The following DYSF variants were observed in gnomAD, a reference collection of about 807,000 sequenced individuals.
The protein encoded by DYSF is dysferlin.
DYSF carries 212 observed loss-of-function variants against 274.9 expected under a neutral mutation model. The observed-to-expected ratio is 0.77, with a 90% CI of 0.69 to 0.86. The LOEUF is 0.86. Ranked by LOEUF, DYSF falls within the 40% of genes least tolerant of loss-of-function variation. The pLI, the probability that DYSF is intolerant of heterozygous loss-of-function variation, is 0.00. For missense variants in DYSF, 2,666 were observed against 2,783.2 expected, an observed-to-expected ratio of 0.96 and a Z score of 0.95; for synonymous variants, 1,091 against 1,078.7, an observed-to-expected ratio of 1.01 and a Z score of -0.22.
intron 22 of DYSF, among the ~76,000 whole-genome samples, chr2:71,560,925 T>C (rs901144396): frequency 6.6e-6 from 1 of 152,022 alleles, no homozygotes; most frequent in Non-Finnish European, 1.5e-5. Context: ...GAGTCCCGCT[T>C]GGTTAGGGAG....
chr2:71,679,933 C>T lies in DYSF; in HGVS notation c.6063+698C>T, dbSNP rs556614227. On this transcript the variant is annotated intron_variant, in intron 53 of 55. Transcript: ENST00000410020. ...TCTCCAGTAATTAAATAAAGGGATA[C>T]AGTAGTCCCCCCCTTATCTGGAGGA... Among the ~76,000 whole-genome samples, 28 of 152,262 alleles carry T rather than the reference C, an allele frequency of 1.8e-4. No homozygotes were observed. The South Asian group carries it at 5.8e-3, about 32-fold the overall frequency.
intron 41 of DYSF, among the ~76,000 whole-genome samples, chr2:71,626,260 A>G (rs986286846): frequency 6.6e-6 from 1 of 151,636 alleles, no homozygotes; most frequent in Non-Finnish European, 1.5e-5. Context: ...CTGATCATCA[A>G]ATTTATCAGG....
intron 3 of DYSF, among the ~76,000 whole-genome samples, chr2:71,494,163 T>C (rs1259732770): frequency 1.3e-5 from 2 of 152,152 alleles, no homozygotes; most frequent in Non-Finnish European, 2.9e-5. Context: ...CTCTTTTTGT[T>C]AGGGTTTTCT....
chr2:71,478,682 C>T lies in DYSF; in HGVS notation c.92-2201C>T, dbSNP rs75081261. 2.6e-5 allele frequency among the ~76,000 whole-genome samples: 4 copies of T among 152,240 alleles called. No individual in the cohort carries two copies. In the East Asian group the frequency reaches 5.8e-4, roughly 22 times the overall value. On this transcript the variant is annotated intron_variant, in intron 1 of 55. Coordinates refer to ENST00000410020, the MANE Select transcript of DYSF (RefSeq NM_001130987.2). ...GGAGAGGGAGTTTGGGAGCTCCCCC[C>T]TCTCCCTGGAGGGAGGTTTATCGGA... is the stretch of plus-strand genomic sequence containing the variant.
chr2:71,543,048 GC>G (rs1186320248), intron 17 of DYSF, among the ~76,000 whole-genome samples: 1 of 150,462 alleles, frequency 6.6e-6, no homozygotes, highest in South Asian at 2.1e-4. Flanking sequence ...GGCGGGGGCT[GC>G]CCCCCACCTC....
At chr2:71,510,840 A>C (rs1429517930) in intron 4 of DYSF, among the ~76,000 whole-genome samples, 3 of 152,286 alleles carry the variant, frequency 2.0e-5, no homozygotes, top group Non-Finnish European at 2.9e-5. Context: ...ATCATTTTGC[A>C]TACAGCAGAT....
intron 41 of DYSF, among the ~76,000 whole-genome samples, chr2:71,639,344 A>C (rs907691097): frequency 1.3e-5 from 2 of 151,814 alleles, no homozygotes; most frequent in African/African-American, 4.8e-5. Flanking sequence ...AAAATTTTTA[A>C]TTTTTAAAGC....
rs115013641 is a variant in DYSF at position 71,669,705 on chromosome 2, G to A, written c.5743G>A (p.Asp1915Asn). ...CAACTGGAGGTTCATTTTCCCCTTC[G>A]ACTACCTGCCAGCTGAGCAAGTCTG... is the stretch of plus-strand genomic sequence containing the variant. ...NFNWRFIFPF[D>N]YLPAEQVCTI... The change falls in exon 51 of 56, where the codon GAC becomes AAC. Residue 1915 changes from aspartate to asparagine, a missense_variant. Physicochemically the swap from Asp to Asn is conservative, Grantham distance 23. This residue lies in a region of DYSF where 1,460 missense variants were observed against 1,502.1 expected (regional missense o/e 0.97). Transcript: ENST00000410020. The A allele has an allele frequency of 3.5e-3, 5,604 of 1,614,120 alleles. 33 individuals are homozygous for A. Among genetic ancestry groups the A allele is most frequent in the South Asian group, 8.4e-3 (767 of 91,080 alleles).
At chr2:71,652,854 A>G (rs2094689900) in intron 42 of DYSF, among the ~76,000 whole-genome samples, 1 of 152,268 alleles carries the variant, frequency 6.6e-6, no homozygotes, top group African/African-American at 2.4e-5. Context: ...CATTTGGCAT[A>G]TGACACAAGT....
At chr2:71,506,738 C>G (rs2085516514) in intron 4 of DYSF, among the ~76,000 whole-genome samples, 1 of 152,144 alleles carries the variant, frequency 6.6e-6, no homozygotes, top group Non-Finnish European at 1.5e-5. Context: ...CCCACTTTCC[C>G]TTAAGAGCCT....
chr2:71,556,343 C>A (rs559315083), intron 22 of DYSF, among the ~76,000 whole-genome samples: 3 of 152,216 alleles, frequency 2.0e-5, no homozygotes, highest in African/African-American at 7.2e-5. Context: ...CTCTGATCCC[C>A]GACCTCTTAT....
chr2:71,521,837 C>T (rs1244818758), intron 12 of DYSF, among the ~76,000 whole-genome samples: 1 of 152,134 alleles, frequency 6.6e-6, no homozygotes. Flanking sequence ...TTCTCCTCAT[C>T]TCCTTACTCC....
intron 1 of DYSF, among the ~76,000 whole-genome samples, chr2:71,456,041 C>T (rs1300641995): frequency 1.3e-5 from 2 of 152,126 alleles, no homozygotes; most frequent in Non-Finnish European, 2.9e-5. Context: ...ATTTCAGCCC[C>T]AAGGGCCTGT....
chr2:71,516,514 G>C (rs531285980), intron 9 of DYSF, among the ~76,000 whole-genome samples: 2 of 152,244 alleles, frequency 1.3e-5, no homozygotes, highest in African/African-American at 4.8e-5. Context: ...AGCAGCTGCG[G>C]GAGAGCCCAC....
intron 36 of DYSF, among the ~76,000 whole-genome samples, chr2:71,603,678 G>A (rs960101854): frequency 2.6e-5 from 4 of 152,220 alleles, no homozygotes; most frequent in African/African-American, 4.8e-5. Flanking sequence ...CTGTAATTGC[G>A]CCTGACAGGC....
intron 22 of DYSF, among the ~76,000 whole-genome samples, chr2:71,561,219 A>G (rs1573996845): frequency 6.6e-6 from 1 of 152,044 alleles, no homozygotes; most frequent in African/African-American, 2.4e-5. Context: ...TCCCCACCCC[A>G]CCTCAGGTGG....
intron 13 of DYSF, 65 bp downstream of exon 13, chr2:71,526,411 T>TGGGGGATGGC: frequency 3.3e-6 from 1 of 306,930 alleles, no homozygotes; most frequent in Admixed American, 5.7e-5. Context: ...CTGGTGGGGG[T>TGGGGGATGGC]GGGCGATGGC....
intron 42 of DYSF, 35 bp from the exon 43 acceptor site, chr2:71,656,127 C>T (rs771981541): frequency 1.2e-6 from 2 of 1,613,608 alleles, no homozygotes; most frequent in Non-Finnish European, 8.5e-7. Context: ...TTCTTTCTGT[C>T]TCTTGTCCCC....
In DYSF at chr2:71,513,878, C is replaced by T. The variant is rs1263688960; in HGVS notation, c.716C>T (p.Pro239Leu). 6 of 1,614,118 alleles carry T rather than the reference C, an allele frequency of 3.7e-6. No individual in the cohort carries two copies. The highest frequency in any genetic ancestry group is 5.1e-6 in the Non-Finnish European group (6 of 1,180,052). ...YPGIKRKRSAPTSRKLLSDKP... is the reference protein window; with the variant it reads ...YPGIKRKRSALTSRKLLSDKP... The stretch of plus-strand genomic sequence containing the variant: ...GGGATCAAAAGAAAGCGAAGTGCGC[C>T]TACATCTAGAAAGCTGCTGTCAGAC... The change falls in exon 7 of 56, where the codon CCT becomes CTT. Residue 239 changes from proline to leucine, a missense_variant. Pro to Leu is a moderately conservative substitution (Grantham distance 98, BLOSUM62 -3). Around this residue, in one of 3 missense-constraint regions of DYSF, gnomAD observed 794 missense variants for 777.1 expected, o/e 1.02. Transcript: ENST00000410020.
Sources: gnomAD v4.1 joint callset for allele counts (sites outside exome capture counted in the v4.1 genomes callset) on GRCh38, gnomAD v4.1.1 for gene constraint, gnomAD v4.1.1 regional missense constraint, MANE v1.5 for transcripts, NCBI Gene and HGNC (gene_info 2026-07-23, HGNC 2026-07-21) for gene names.